The following MBNL1 variants were observed in gnomAD, a reference collection of about 807,000 sequenced individuals.
The protein encoded by MBNL1 is muscleblind-like protein 1.
A neutral mutation model predicts 42.2 loss-of-function variants in MBNL1; 8 were observed. The ratio of observed to expected loss-of-function variants is 0.19; its 90% confidence interval spans 0.11 to 0.34. The LOEUF (loss-of-function observed/expected upper bound fraction) is 0.34, where lower values mean the gene tolerates loss of function less well. MBNL1 is among the 10% of genes least tolerant of loss of function. The pLI, the probability that MBNL1 is intolerant of heterozygous loss-of-function variation, is 1.00. For synonymous variants in MBNL1, 169 were observed against 173.9 expected (o/e 0.97, Z 0.22); for missense variants, 309 against 495.3 (o/e 0.62, Z 3.57).
intron 2 of MBNL1, among the ~76,000 whole-genome samples, chr3:152,389,431 G>C (rs1340961619): frequency 6.6e-6 from 1 of 152,106 alleles, no homozygotes; most frequent in East Asian, 1.9e-4. Flanking sequence ...GATATGTTCT[G>C]AGGAATGCAT....
At chr3:152,373,356 A>C (rs1046207121) in intron 2 of MBNL1, among the ~76,000 whole-genome samples, 3 of 150,548 alleles carry the variant, frequency 2.0e-5, no homozygotes, top group Non-Finnish European at 2.9e-5. Flanking sequence ...AAAAAAAAAA[A>C]AAAAAAAAAC....
At chr3:152,307,348 A>G (rs1244744072) in intron 2 of MBNL1, among the ~76,000 whole-genome samples, 8 of 152,246 alleles carry the variant, frequency 5.3e-5, no homozygotes. Context: ...CAGAAATGCC[A>G]TGTCATTAAA....
chr3:152,271,672 G>GA (rs2042011791), intron 1 of MBNL1, among the ~76,000 whole-genome samples: 1 of 152,074 alleles, frequency 6.6e-6, no homozygotes, highest in African/African-American at 2.4e-5. Context: ...AAGAGTGGAG[G>GA]AAAGAAGTGA....
intron 2 of MBNL1, among the ~76,000 whole-genome samples, chr3:152,339,259 A>G (rs2092379040): frequency 6.6e-6 from 1 of 152,196 alleles, no homozygotes. Context: ...TAGATTTTAA[A>G]GGGAAAAAAA....
intron 1 of MBNL1, among the ~76,000 whole-genome samples, chr3:152,270,091 C>T (rs1021198231): frequency 1.3e-5 from 2 of 151,936 alleles, no homozygotes; most frequent in Non-Finnish European, 2.9e-5. Flanking sequence ...ATATTGTATT[C>T]TTAAGGCTCT....
intron 2 of MBNL1, among the ~76,000 whole-genome samples, chr3:152,360,765 A>G (rs1245435814): frequency 6.6e-6 from 1 of 152,134 alleles, no homozygotes; most frequent in African/African-American, 2.4e-5. Flanking sequence ...ATTCAAGTAG[A>G]TTTTCCAGTT....
Position 152,458,284 on chromosome 3 carries a change from A to G in MBNL1, c.1093-987A>G. 13 of 1,100,208 alleles carry G rather than the reference A, an allele frequency of 1.2e-5. No homozygotes were observed. The South Asian group carries it at 1.6e-4, about 13-fold the overall frequency. 68.2% of individuals were successfully genotyped at this position (1,100,208 alleles called of 1,614,324 possible). A position where few individuals can be genotyped will look rare whatever the true frequency, so the allele number is the denominator to read the frequency against. On this transcript the variant is annotated intron_variant, in intron 8 of 9. Transcript: ENST00000324210. ...TAAAAATGTCAGCTGAGAACTGGAA[A>G]TAAAACAGGGACATATTAATATACA... is the stretch of plus-strand genomic sequence containing the variant.
intron 2 of MBNL1, among the ~76,000 whole-genome samples, chr3:152,247,602 A>T (rs2033403751): frequency 6.6e-6 from 1 of 152,010 alleles, no homozygotes; most frequent in South Asian, 2.1e-4. Flanking sequence ...TTAATCTTTA[A>T]AATATAACTT....
intron 2 of MBNL1, among the ~76,000 whole-genome samples, chr3:152,362,065 C>T (rs1384626819): frequency 1.3e-5 from 2 of 152,178 alleles, no homozygotes; most frequent in Non-Finnish European, 2.9e-5. Flanking sequence ...GACTAGATGT[C>T]ATTTAGAGCA....
chr3:152,462,066 A>G (rs1191876935), intron 9 of MBNL1, among the ~76,000 whole-genome samples: 1 of 152,172 alleles, frequency 6.6e-6, no homozygotes, highest in African/African-American at 2.4e-5. Context: ...ATTTTGCCCT[A>G]CAACAATTGT....
chr3:152,345,969 A>G (rs182914486), intron 2 of MBNL1, among the ~76,000 whole-genome samples: 10 of 152,134 alleles, frequency 6.6e-5, no homozygotes, highest in African/African-American at 1.2e-4. Flanking sequence ...GTTTGTTGCT[A>G]TTCTTTTTGT....
At chr3:152,341,778 T>A (rs1352533581) in intron 2 of MBNL1, among the ~76,000 whole-genome samples, 2 of 152,168 alleles carry the variant, frequency 1.3e-5, no homozygotes, top group Non-Finnish European at 2.9e-5. Context: ...AAATAAAGTG[T>A]GTACAGAGCA....
intron 2 of MBNL1, among the ~76,000 whole-genome samples, chr3:152,407,952 A>C (rs538009358): frequency 6.6e-6 from 1 of 152,204 alleles, no homozygotes; most frequent in South Asian, 2.1e-4. Context: ...ACACGAGGGG[A>C]ACAACATACA....
At chr3:152,345,028 A>G (rs1449234114) in intron 2 of MBNL1, among the ~76,000 whole-genome samples, 1 of 152,012 alleles carries the variant, frequency 6.6e-6, no homozygotes, top group Non-Finnish European at 1.5e-5. Context: ...AATTGTATGT[A>G]GGTCTAGCAT....
chr3:152,289,220 G>C (rs974579103), intron 1 of MBNL1, among the ~76,000 whole-genome samples: 6 of 151,870 alleles, frequency 4.0e-5, no homozygotes, highest in Non-Finnish European at 2.9e-5. Context: ...GTGAAAAATG[G>C]GCATTAACTT....
chr3:152,432,717 C>G lies in MBNL1; in HGVS notation c.346C>G (p.Pro116Ala). 1 of 1,613,986 alleles carries G rather than the reference C, an allele frequency of 6.2e-7. No homozygotes were observed. The highest frequency in any genetic ancestry group is 1.1e-5 in the South Asian group (1 of 91,082). ...ATTTTGCTTTTATTTTATTTTTCAGCCAATGTTTTCAGTTGCACCAAGCTT... is the reference window on the plus strand; with the variant it reads ...ATTTTGCTTTTATTTTATTTTTCAGGCAATGTTTTCAGTTGCACCAAGCTT... ...MMPGAPLQPVPMFSVAPSLAT... is the reference protein window; with the variant it reads ...MMPGAPLQPVAMFSVAPSLAT... The change falls in exon 4 of 10, where the codon CCA (proline) becomes GCA (alanine). Residue 116 changes from proline (P) to alanine (A), a missense_variant and splice_region_variant. Transcript: ENST00000324210.
At chr3:152,426,149 G>A (rs901752376) in intron 3 of MBNL1, among the ~76,000 whole-genome samples, 7 of 149,878 alleles carry the variant, frequency 4.7e-5, no homozygotes. Context: ...GTTGAGCAAT[G>A]AGAACATGTG....
At chr3:152,344,087 CTT>C (rs1560224383) in intron 2 of MBNL1, among the ~76,000 whole-genome samples, 1 of 151,830 alleles carries the variant, frequency 6.6e-6, no homozygotes, top group African/African-American at 2.4e-5. Flanking sequence ...ACTGGTATAA[CTT>C]TGAGGTTTGT....
intron 2 of MBNL1, among the ~76,000 whole-genome samples, chr3:152,344,537 C>A (rs1425787405): frequency 1.3e-5 from 2 of 152,106 alleles, no homozygotes; most frequent in Non-Finnish European, 2.9e-5. Flanking sequence ...GAGTAAAACT[C>A]AAACCAAGTG....
Sources: gnomAD v4.1 joint callset for allele counts (sites outside exome capture counted in the v4.1 genomes callset) on GRCh38, gnomAD v4.1.1 for gene constraint, MANE v1.5 for transcripts, NCBI Gene and HGNC (gene_info 2026-07-23, HGNC 2026-07-21) for gene names.